The following KAT2B variants were observed in gnomAD, a reference collection of about 807,000 sequenced individuals.
The protein encoded by KAT2B is lysine acetyltransferase 2B.
KAT2B carries 36 observed loss-of-function variants against 105.9 expected under a neutral mutation model. The observed-to-expected ratio is 0.34, with a 90% CI of 0.26 to 0.45. The LOEUF is 0.45. Among genes scored for constraint, KAT2B ranks in the 20% least tolerant of loss-of-function variants. The pLI, the probability that KAT2B is intolerant of heterozygous loss-of-function variation, is 1.00. For synonymous variants in KAT2B, 397 were observed against 377.9 expected (o/e 1.05, Z -0.59); for missense variants, 820 against 1,021.6 (o/e 0.80, Z 2.69).
At position 20,148,257 on chromosome 3, in the gene KAT2B, AC is replaced by A; in HGVS notation, c.2174del (p.Pro725LeufsTer15). ...SGKEKSKEPR[D>X]PDQLYSTLKS... The stretch of plus-strand genomic sequence containing the variant: ...TTCCTTTCAAGTAAAGAGCCCAGAG[AC>A]CCTGACCAGCTTTACAGCACGCTCA... On this transcript the variant is annotated frameshift_variant, in exon 16 of 18. Transcript: ENST00000263754. LOFTEE classifies it high-confidence loss of function. 1 of 1,613,986 alleles carries A rather than the reference AC, an allele frequency of 6.2e-7. No individual in the cohort carries two copies. The highest frequency in any genetic ancestry group is 8.5e-7 in the Non-Finnish European group (1 of 1,179,882).
intron 9 of KAT2B, among the ~76,000 whole-genome samples, chr3:20,125,489 T>G (rs1400660219): frequency 6.6e-6 from 1 of 152,136 alleles, no homozygotes; most frequent in Non-Finnish European, 1.5e-5. Context: ...TAAATAAAGT[T>G]TTATTGGAAC....
At chr3:20,120,262 C>T (rs1699284337) in intron 8 of KAT2B, among the ~76,000 whole-genome samples, 1 of 151,926 alleles carries the variant, frequency 6.6e-6, no homozygotes, top group African/African-American at 2.4e-5. Context: ...GAGTCTCACA[C>T]TGTCACCCTG....
At chr3:20,063,818 G>A (rs756277738) in intron 1 of KAT2B, among the ~76,000 whole-genome samples, 1 of 152,028 alleles carries the variant, frequency 6.6e-6, no homozygotes, top group Non-Finnish European at 1.5e-5. Flanking sequence ...TGGGATTACA[G>A]ACGTGAGCCA....
At chr3:20,091,792 TA>T (rs1698722986) in intron 2 of KAT2B, among the ~76,000 whole-genome samples, 1 of 152,206 alleles carries the variant, frequency 6.6e-6, no homozygotes, top group Non-Finnish European at 1.5e-5. Flanking sequence ...AACCTATTTG[TA>T]AATTTTCCAA....
Position 20,137,858 on chromosome 3 carries a change from C to T in KAT2B, c.1860+806C>T, listed in dbSNP as rs141356365. On this transcript the variant is annotated intron_variant, in intron 12 of 17. Transcript: ENST00000263754. The stretch of plus-strand genomic sequence containing the variant: ...AGTTTCTTATCAGAAGTTTTCAGCT[C>T]AGGCCAGGTGCAGTGGCTTATGCCT... Among the ~76,000 whole-genome samples the T allele has an allele frequency of 3.3e-5, 5 of 152,290 alleles. No individual in the cohort carries two copies. The East Asian group carries it at 9.7e-4, about 29-fold the overall frequency.
intron 11 of KAT2B, among the ~76,000 whole-genome samples, chr3:20,132,774 G>T (rs894454232): frequency 1.3e-4 from 20 of 152,290 alleles, no homozygotes; most frequent in African/African-American, 4.1e-4. Flanking sequence ...TCTTATGCAG[G>T]TTTTGAGAAG....
intron 13 of KAT2B, among the ~76,000 whole-genome samples, chr3:20,143,885 G>A (rs1245858848): frequency 1.3e-5 from 2 of 152,126 alleles, no homozygotes; most frequent in Non-Finnish European, 2.9e-5. Flanking sequence ...TTCCAAAAGA[G>A]GCAAGAGAGG....
rs1332010423 is a variant in KAT2B, at chr3:20,152,761, TA to T, written c.*239del. ...TTTAATCTATTTACTACTATTAAGGTAAATTTTCTATGGCATGTCCATTAGC... is the reference window on the plus strand; with the variant it reads ...TTTAATCTATTTACTACTATTAAGGTAATTTTCTATGGCATGTCCATTAGC... On this transcript the variant is annotated 3_prime_UTR_variant, in exon 18 of 18. Transcript: ENST00000263754. 3.2e-6 allele frequency: 1 copy of T among 314,698 alleles called. No homozygotes were observed. The highest frequency in any genetic ancestry group is 6.0e-6 in the Non-Finnish European group (1 of 167,468). The allele number at this position is 314,698 out of a possible 1,614,324, so 19.5% of individuals were successfully genotyped here.
intron 11 of KAT2B, among the ~76,000 whole-genome samples, chr3:20,128,635 A>G (rs1053836946): frequency 3.3e-5 from 5 of 152,194 alleles, no homozygotes; most frequent in Non-Finnish European, 7.3e-5. Flanking sequence ...GAATTGACAG[A>G]AAGAGCTCTC....
chr3:20,143,249 A>G (rs1410528420), intron 13 of KAT2B, among the ~76,000 whole-genome samples: 2 of 152,152 alleles, frequency 1.3e-5, no homozygotes, highest in African/African-American at 4.8e-5. Context: ...AGTTGAAGAT[A>G]TTTTCTAGGG....
At chr3:20,127,665 T>C in intron 11 of KAT2B, 116 bp downstream of exon 11, 1 of 1,012,970 alleles carries the variant, frequency 9.9e-7, no homozygotes, top group Admixed American at 2.5e-5. Context: ...AAAGTGGAGT[T>C]AAGGACTTTC....
chr3:20,077,488 A>G (rs2365370), intron 2 of KAT2B, among the ~76,000 whole-genome samples: 15,811 of 152,286 alleles, frequency 0.1, 908 homozygotes, highest in East Asian at 0.24. Flanking sequence ...CACTGGCCAC[A>G]TGAAATGTGT....
chr3:20,053,707 A>G (rs1338326055), intron 1 of KAT2B, among the ~76,000 whole-genome samples: 1 of 152,184 alleles, frequency 6.6e-6, no homozygotes, highest in Non-Finnish European at 1.5e-5. Flanking sequence ...TACTATTTAT[A>G]TTTTTTGTTA....
rs766319621 is a variant in KAT2B, at chr3:20,140,376, G to T, written c.2004+12G>T. On this transcript the variant is annotated intron_variant, in intron 13 of 17. Coordinates refer to ENST00000263754, the MANE Select transcript of KAT2B (RefSeq NM_003884.5). Reference sequence around the variant, plus strand: ...AAAAGCAGAAGGAGGTAAGCAGGTGGTTGACTCCCTTACCTTCTGTACAGG... The same window carrying T: ...AAAAGCAGAAGGAGGTAAGCAGGTGTTTGACTCCCTTACCTTCTGTACAGG... The T allele has an allele frequency of 2.3e-5, 37 of 1,613,160 alleles. No individual in the cohort carries two copies. The highest frequency in any genetic ancestry group is 3.0e-5 in the Non-Finnish European group (35 of 1,179,832).
At chr3:20,123,026 C>A in intron 9 of KAT2B, 1 of 826,932 alleles carries the variant, frequency 1.2e-6, no homozygotes. Flanking sequence ...AATAATCTCA[C>A]AGTTGAAGGC....
At chr3:20,141,952 G>A (rs1043662033) in intron 13 of KAT2B, among the ~76,000 whole-genome samples, 1 of 152,066 alleles carries the variant, frequency 6.6e-6, no homozygotes, top group African/African-American at 2.4e-5. Context: ...TGTTCTCTCT[G>A]GAGCTTAATG....
intron 13 of KAT2B, among the ~76,000 whole-genome samples, chr3:20,145,960 G>A (rs895408157): frequency 2.6e-5 from 4 of 152,176 alleles, no homozygotes; most frequent in African/African-American, 9.7e-5. Flanking sequence ...AGTAGTGAAT[G>A]CTCAGGGCTG....
intron 12 of KAT2B, 23 bp from the exon 13 acceptor site, chr3:20,140,198 G>A (rs1699673111): frequency 6.7e-7 from 1 of 1,488,184 alleles, no homozygotes; most frequent in Non-Finnish European, 9.4e-7. Context: ...GTGTTCATAT[G>A]AATGAATTTA....
At chr3:20,062,235 TAA>T (rs1260256363) in intron 1 of KAT2B, among the ~76,000 whole-genome samples, 3 of 53,386 alleles carry the variant, frequency 5.6e-5, no homozygotes, top group African/African-American at 7.2e-5. Context: ...AAAATATATA[TAA>T]AATATATAAT....
Sources: allele counts gnomAD v4.1 joint callset (sites outside exome capture counted in the v4.1 genomes callset), GRCh38; gene constraint gnomAD v4.1.1; transcripts MANE v1.5; gene names NCBI Gene and HGNC (gene_info 2026-07-23, HGNC 2026-07-21).